The following ITFG1 variants were observed in gnomAD, a reference collection of about 807,000 sequenced individuals.
ITFG1 encodes the protein integrin alpha FG-GAP repeat containing 1.
ITFG1 carries 34 observed loss-of-function variants against 81.8 expected under a neutral mutation model. The ratio of observed to expected loss-of-function variants is 0.42; its 90% CI spans 0.32 to 0.55. The LOEUF is 0.55. Ranked by LOEUF, ITFG1 falls within the 20% of genes least tolerant of loss-of-function variation. The pLI, the probability that ITFG1 is intolerant of heterozygous loss-of-function variation, is 0.17. For missense variants in ITFG1, 672 were observed against 755.4 expected (o/e 0.89, Z 1.29); for synonymous variants, 285 against 270.6 (o/e 1.05, Z -0.52).
At chr16:47,230,247 T>G (rs192996007) in intron 13 of ITFG1, among the ~76,000 whole-genome samples, 6,616 of 151,866 alleles carry the variant, frequency 0.044, 199 homozygotes, top group Middle Eastern at 0.088. Context: ...CCCGGAAGAA[T>G]GGACAGAGAG....
intron 5 of ITFG1, 114 bp downstream of exon 5, chr16:47,451,282 T>C: frequency 1.6e-6 from 1 of 607,236 alleles, no homozygotes; most frequent in Non-Finnish European, 2.9e-6. Flanking sequence ...ATTAACCAAA[T>C]GCCCACTTAA....
chr16:47,241,219 C>T (rs556862444), intron 12 of ITFG1, among the ~76,000 whole-genome samples: 1 of 152,166 alleles, frequency 6.6e-6, no homozygotes, highest in Non-Finnish European at 1.5e-5. Context: ...GGTGCAGCTG[C>T]TTTGGAAAAC....
chr16:47,298,312 G>A (rs1967015756), intron 10 of ITFG1, among the ~76,000 whole-genome samples: 1 of 151,904 alleles, frequency 6.6e-6, no homozygotes, highest in Non-Finnish European at 1.5e-5. Context: ...TTGGTATTTT[G>A]ATTATTTCTT....
At chr16:47,386,223 A>G (rs977236539) in intron 6 of ITFG1, among the ~76,000 whole-genome samples, 1 of 152,232 alleles carries the variant, frequency 6.6e-6, no homozygotes, top group African/African-American at 2.4e-5. Flanking sequence ...CTGAGAGCAT[A>G]TAACAAACGA....
intron 6 of ITFG1, among the ~76,000 whole-genome samples, chr16:47,407,913 A>G (rs368093386): frequency 3.9e-5 from 6 of 152,146 alleles, no homozygotes; most frequent in African/African-American, 1.2e-4. Context: ...GGTGCTTATT[A>G]AAGCCATGAG....
intron 6 of ITFG1, among the ~76,000 whole-genome samples, chr16:47,384,658 C>T (rs185165006): frequency 3.3e-4 from 50 of 152,330 alleles, no homozygotes; most frequent in Non-Finnish European, 2.9e-5. Context: ...ACTTCACTTA[C>T]TTGCCTATAA....
At chr16:47,306,001 A>G (rs541706524) in intron 10 of ITFG1, among the ~76,000 whole-genome samples, 26 of 152,320 alleles carry the variant, frequency 1.7e-4, no homozygotes, top group Non-Finnish European at 3.7e-4. Flanking sequence ...TCATTCCATC[A>G]ATTGATAATA....
At chr16:47,321,150 A>G (rs1442375750) in intron 8 of ITFG1, among the ~76,000 whole-genome samples, 1 of 152,232 alleles carries the variant, frequency 6.6e-6, no homozygotes, top group Non-Finnish European at 1.5e-5. Context: ...ACTGTAGCAT[A>G]GATGAGCTAT....
intron 10 of ITFG1, among the ~76,000 whole-genome samples, chr16:47,271,831 C>A (rs1405409901): frequency 6.6e-6 from 1 of 152,194 alleles, no homozygotes; most frequent in Non-Finnish European, 1.5e-5. Context: ...TGCACTCCAG[C>A]CTGGGCGACA....
At chr16:47,299,976 T>G (rs1349388934) in intron 10 of ITFG1, 1 of 152,316 alleles carries the variant, frequency 6.6e-6, no homozygotes, top group African/African-American at 2.4e-5. Flanking sequence ...GTCTTATGGT[T>G]GCCACTTGTG....
intron 13 of ITFG1, among the ~76,000 whole-genome samples, chr16:47,236,528 C>G (rs1965876969): frequency 6.6e-6 from 1 of 151,104 alleles, no homozygotes; most frequent in South Asian, 2.1e-4. Context: ...ACAGCCCTTC[C>G]TATCAAACTT....
At chr16:47,439,669 A>G (rs1179937019) in intron 5 of ITFG1, among the ~76,000 whole-genome samples, 1 of 152,228 alleles carries the variant, frequency 6.6e-6, no homozygotes, top group Non-Finnish European at 1.5e-5. Flanking sequence ...CTGCCCTAAA[A>G]GAGCTCCTGA....
At chr16:47,413,178 C>A (rs528596164) in intron 6 of ITFG1, among the ~76,000 whole-genome samples, 4 of 152,314 alleles carry the variant, frequency 2.6e-5, no homozygotes, top group East Asian at 1.9e-4. Flanking sequence ...CAGAAACCTA[C>A]GAGCAAGAAG....
chr16:47,337,249 T>C (rs1967718510), intron 8 of ITFG1, among the ~76,000 whole-genome samples: 2 of 151,928 alleles, frequency 1.3e-5, no homozygotes, highest in South Asian at 4.2e-4. Flanking sequence ...CTCCAAACTT[T>C]CAGCTGGAAG....
At chr16:47,251,547 A>T (rs2151539094) in intron 12 of ITFG1, among the ~76,000 whole-genome samples, 1 of 152,288 alleles carries the variant, frequency 6.6e-6, no homozygotes, top group East Asian at 1.9e-4. Context: ...GACTAACAGG[A>T]ATAATCATAT....
chr16:47,276,087 G>A (rs992342028), intron 10 of ITFG1, among the ~76,000 whole-genome samples: 2 of 151,868 alleles, frequency 1.3e-5, no homozygotes, highest in African/African-American at 2.4e-5. Context: ...AGAAAGAAGA[G>A]ATACAATACT....
chr16:47,446,072 G>A (rs1390869460), intron 5 of ITFG1, among the ~76,000 whole-genome samples: 1 of 152,072 alleles, frequency 6.6e-6, no homozygotes, highest in Non-Finnish European at 1.5e-5. Flanking sequence ...AAAAAAAGAG[G>A]CAACTGATGT....
chr16:47,287,897 G>T (rs976695723), intron 10 of ITFG1, among the ~76,000 whole-genome samples: 2 of 152,182 alleles, frequency 1.3e-5, no homozygotes, highest in Non-Finnish European at 2.9e-5. Flanking sequence ...CTGTTAGAAA[G>T]CATGGCAAGA....
At chr16:47,233,432 G>T (rs142489161) in intron 13 of ITFG1, among the ~76,000 whole-genome samples, 214 of 152,280 alleles carry the variant, frequency 1.4e-3, no homozygotes, top group African/African-American at 5.0e-3. Flanking sequence ...TTCAGGGCAG[G>T]GGGGAACCCT....
Sources: gnomAD v4.1 joint callset for allele counts (sites outside exome capture counted in the v4.1 genomes callset) on GRCh38, gnomAD v4.1.1 for gene constraint, MANE v1.5 for transcripts, NCBI Gene and HGNC (gene_info 2026-07-23, HGNC 2026-07-21) for gene names.